Variants in APOL6 observed in about 807,000 individuals in gnomAD.
APOL6 encodes apolipoprotein L6, also known as apolipoprotein L, 6.
APOL6 carries 1 observed loss-of-function variant against 2.4 expected under a neutral mutation model. The ratio of observed to expected loss-of-function variants is 0.41; its 90% CI spans 0.15 to 1.94. The LOEUF is 1.94. Among genes scored for constraint, APOL6 ranks in the 30% most tolerant of loss-of-function variants. The pLI is 0.30. For missense variants in APOL6, 438 were observed against 429.2 expected (o/e 1.02, Z -0.18); for synonymous variants, 189 against 169.3 (o/e 1.12, Z -0.90).
At position 35,658,708 on chromosome 22, in the gene APOL6, A is replaced by T. The variant is rs1924915067; in HGVS notation, c.144A>T (p.Arg48Ser). The change falls in exon 3 of 3, where the codon AGA becomes AGT. Residue 48 changes from arginine to serine, a missense_variant. Transcript: ENST00000409652. ...AAATATTTTTGAGAGAATTTCCCAG[A>T]TTGAAAGAAGATCTGAAAGGGAACA... ...EEKIFLREFP[R>S]LKEDLKGNID... 2 of 1,614,190 alleles carry T rather than the reference A, an allele frequency of 1.2e-6. No homozygotes were observed. Among genetic ancestry groups the T allele is most frequent in the Non-Finnish European group, 1.7e-6 (2 of 1,180,030 alleles).
intron 2 of APOL6, among the ~76,000 whole-genome samples, chr22:35,657,612 A>T (rs191123830): frequency 6.6e-6 from 1 of 152,264 alleles, no homozygotes; most frequent in Admixed American, 6.5e-5. Context: ...TTTACCTTGC[A>T]TGTTCCTTTG....
At position 35,664,808 on chromosome 22, in the gene APOL6, A is replaced by C. The variant is rs5999925; in HGVS notation, c.*5212A>C. The stretch of plus-strand genomic sequence containing the variant: ...CTTAAAAAAAAGTGTGTCCTTTTTT[A>C]AAAAAATGGTGAACAAGTTTTGTCT... On this transcript the variant is annotated 3_prime_UTR_variant, in exon 3 of 3. Coordinates refer to ENST00000409652, the MANE Select transcript of APOL6 (RefSeq NM_030641.4). The C allele has an allele frequency of 6.6e-6, 1 of 151,818 alleles. No individual in the cohort carries two copies. The highest frequency in any genetic ancestry group is 1.5e-5 in the Non-Finnish European group (1 of 67,958). 9.4% of individuals were successfully genotyped at this position (151,818 alleles called of 1,614,324 possible).
intron 1 of APOL6, among the ~76,000 whole-genome samples, chr22:35,656,052 G>A (rs1924835298): frequency 6.6e-6 from 1 of 152,130 alleles, no homozygotes; most frequent in Non-Finnish European, 1.5e-5. Flanking sequence ...AATAGAGGGA[G>A]GGTGGAGAAC....
Position 35,661,337 on chromosome 22 carries a change from G to A in APOL6, c.*1741G>A, listed in dbSNP as rs1601869571. 1.6e-5 allele frequency: 2 copies of A among 126,450 alleles called. No homozygotes were observed. The highest frequency in any genetic ancestry group is 5.2e-4 in the South Asian group (2 of 3,818). The allele number at this position is 126,450 out of a possible 1,614,324, so 7.8% of individuals were successfully genotyped here. ...CATGCCACTGCACTCCAGTCTGGGT[G>A]TCAGAATGAGACCCCATCTCAAAAA... On this transcript the variant is annotated 3_prime_UTR_variant, in exon 3 of 3. Coordinates refer to ENST00000409652, the MANE Select transcript of APOL6 (RefSeq NM_030641.4).
Position 35,659,482 on chromosome 22 carries a change from T to A in APOL6, c.918T>A (p.Asp306Glu), listed in dbSNP as rs2145958534. Residue 306 changes from aspartate to glutamate, a missense_variant, in exon 3 of 3, where the codon GAT becomes GAA. Physicochemically the swap from Asp to Glu is conservative, Grantham distance 45. Coordinates refer to ENST00000409652, the MANE Select transcript of APOL6 (RefSeq NM_030641.4). ...VRSRARGVGK[D>E]LTGTCETEAY... ...CAAGGGCCAGAGGGGTGGGGAAGGA[T>A]TTAACTGGGACCTGCGAAACCGAGG... 1 of 1,614,092 alleles carries A rather than the reference T, an allele frequency of 6.2e-7. No individual in the cohort carries two copies. Among genetic ancestry groups the A allele is most frequent in the East Asian group, 2.2e-5 (1 of 44,876 alleles).
At position 35,659,625 on chromosome 22, in the gene APOL6, C is replaced by T; in HGVS notation, c.*29C>T. The T allele has an allele frequency of 6.5e-7, 1 of 1,545,784 alleles. No homozygotes were observed. Among genetic ancestry groups the T allele is most frequent in the Non-Finnish European group, 8.7e-7 (1 of 1,144,374 alleles). ...TTCCTCAGGACATGGCATACAATGG[C>T]CTTGGAGGTCCAAATAATATCAAGT... On this transcript the variant is annotated 3_prime_UTR_variant, in exon 3 of 3. Transcript: ENST00000409652.
chr22:35,655,973 T>C (rs1924833863), intron 1 of APOL6, among the ~76,000 whole-genome samples: 2 of 152,230 alleles, frequency 1.3e-5, no homozygotes, highest in African/African-American at 2.4e-5. Flanking sequence ...GATCAAACTT[T>C]ATCCTTCTTG....
intron 1 of APOL6, among the ~76,000 whole-genome samples, chr22:35,654,814 C>T (rs925517324): frequency 2.0e-5 from 3 of 151,944 alleles, no homozygotes; most frequent in African/African-American, 4.8e-5. Flanking sequence ...ATTATTGAGG[C>T]GAAGGCAATT....
rs1019669887 is a variant in APOL6 at position 35,663,743 on chromosome 22, C to T, written c.*4147C>T. 7 of 151,994 alleles carry T rather than the reference C, an allele frequency of 4.6e-5. No individual in the cohort carries two copies. Among genetic ancestry groups the T allele is most frequent in the Non-Finnish European group, 1.5e-5 (1 of 67,996 alleles). 9.4% of individuals were successfully genotyped at this position (151,994 alleles called of 1,614,324 possible). A position where few individuals can be genotyped will look rare whatever the true frequency, so the allele number is the denominator to read the frequency against. On this transcript the variant is annotated 3_prime_UTR_variant, in exon 3 of 3. Transcript: ENST00000409652. ...GTAAATTTTGCTATTTGATTTTCAC[C>T]TGGGTTGTTTCCTTTAATGTGCAAA...
In APOL6 at chr22:35,668,140, G is replaced by A. The variant is rs149844113; in HGVS notation, c.*8544G>A. ...TACAACCCAGGCATTCCTTTCTATC[G>A]ATAATTACTCTTTCAACCAATTGCC... is the stretch of plus-strand genomic sequence containing the variant. On this transcript the variant is annotated 3_prime_UTR_variant, in exon 3 of 3. Coordinates refer to ENST00000409652, the MANE Select transcript of APOL6 (RefSeq NM_030641.4). The A allele has an allele frequency of 3.9e-5, 6 of 152,132 alleles. No homozygotes were observed. Among genetic ancestry groups the A allele is most frequent in the Non-Finnish European group, 8.8e-5 (6 of 68,048 alleles). 9.4% of individuals were successfully genotyped at this position (152,132 alleles called of 1,614,324 possible). A position where few individuals can be genotyped will look rare whatever the true frequency, so the allele number is the denominator to read the frequency against.
chr22:35,649,136 T>C (rs148087738), intron 1 of APOL6, among the ~76,000 whole-genome samples: 1 of 152,258 alleles, frequency 6.6e-6, no homozygotes, highest in Non-Finnish European at 1.5e-5. Flanking sequence ...GAGTTTGTGA[T>C]AAATATTAGG....
At chr22:35,650,304 G>A (rs58388547) in intron 1 of APOL6, among the ~76,000 whole-genome samples, 7,825 of 152,132 alleles carry the variant, frequency 0.051, 525 homozygotes, top group African/African-American at 0.16. Flanking sequence ...GTAGACAGAC[G>A]TCTATATAAG....
In APOL6 at chr22:35,664,623, A is replaced by G. The variant is rs908746633; in HGVS notation, c.*5027A>G. 2.0e-5 allele frequency: 3 copies of G among 152,248 alleles called. No homozygotes were observed. Among genetic ancestry groups the G allele is most frequent in the African/African-American group, 4.8e-5 (2 of 41,466 alleles). The allele number at this position is 152,248 out of a possible 1,614,324, so 9.4% of individuals were successfully genotyped here. A position where few individuals can be genotyped will look rare whatever the true frequency, so the allele number is the denominator to read the frequency against. ...CTATCACAGTTTTTATAAATAATCT[A>G]GGTAAACAATTAATAAAATAACTAG... On this transcript the variant is annotated 3_prime_UTR_variant, in exon 3 of 3. Coordinates refer to ENST00000409652, the MANE Select transcript of APOL6 (RefSeq NM_030641.4).
intron 1 of APOL6, among the ~76,000 whole-genome samples, chr22:35,652,278 A>AT (rs149558486): frequency 1 from 151,959 of 151,962 alleles, 75,978 homozygotes; most frequent in Middle Eastern, 1. Context: ...GTTTGAGTTC[A>AT]TGTAGATTCT....
chr22:35,652,469 C>T (rs948388259), intron 1 of APOL6, among the ~76,000 whole-genome samples: 1 of 152,132 alleles, frequency 6.6e-6, no homozygotes, highest in Admixed American at 6.5e-5. Flanking sequence ...GAAGTCCTTG[C>T]CCATGCCTAT....
intron 1 of APOL6, among the ~76,000 whole-genome samples, chr22:35,652,611 G>A (rs1038929031): frequency 2.4e-4 from 37 of 152,256 alleles, no homozygotes; most frequent in East Asian, 1.2e-3. Context: ...AGCTTTCTGC[G>A]TGTGGCTAGC....
At position 35,666,261 on chromosome 22, in the gene APOL6, T is replaced by C. The variant is rs1925179232; in HGVS notation, c.*6665T>C. The C allele has an allele frequency of 1.3e-5, 2 of 152,152 alleles. No individual in the cohort carries two copies. Among genetic ancestry groups the C allele is most frequent in the Admixed American group, 6.6e-5 (1 of 15,266 alleles). 9.4% of individuals were successfully genotyped at this position (152,152 alleles called of 1,614,324 possible). ...ATGCACAATTGTTGTTTTGGTCCTC[T>C]TTTTTAAATATATTTTTATTATTAT... On this transcript the variant is annotated 3_prime_UTR_variant, in exon 3 of 3. Coordinates refer to ENST00000409652, the MANE Select transcript of APOL6 (RefSeq NM_030641.4).
intron 2 of APOL6, among the ~76,000 whole-genome samples, chr22:35,657,449 G>T (rs1267810909): frequency 7.2e-5 from 11 of 152,210 alleles, no homozygotes; most frequent in Admixed American, 7.2e-4. Flanking sequence ...CTGAGGAATT[G>T]TGTGCGTGTG....
rs747573264 is a variant in APOL6 at position 35,656,460 on chromosome 22, G to T, written c.35G>T (p.Gly12Val). ...CAGGCGGAGAGAGAAAGTGAGGCTG[G>T]TGTTGGTTTGCAAAGGTAATCCAAA... ...DNQAERESEA[G>V]VGLQRDEDDA... Residue 12 changes from glycine (G) to valine (V), a missense_variant, in exon 2 of 3, where the codon GGT becomes GTT. By Grantham distance (109) the Gly-to-Val change is moderately radical. Coordinates refer to ENST00000409652, the MANE Select transcript of APOL6 (RefSeq NM_030641.4). 1.2e-6 allele frequency: 2 copies of T among 1,614,160 alleles called. No individual in the cohort carries two copies. The highest frequency in any genetic ancestry group is 3.3e-5 in the Admixed American group (2 of 60,012).
Sources: gnomAD v4.1 joint callset for allele counts (sites outside exome capture counted in the v4.1 genomes callset) on GRCh38, gnomAD v4.1.1 for gene constraint, MANE v1.5 for transcripts, NCBI Gene and HGNC (gene_info 2026-07-23, HGNC 2026-07-21) for gene names.